Variants in ATF7IP2 observed in about 807,000 individuals in gnomAD.
ATF7IP2 encodes the protein activating transcription factor 7-interacting protein 2.
Under a neutral mutation model 64.2 loss-of-function variants are expected in ATF7IP2, and 42 were observed. The observed-to-expected ratio is 0.65, with a 90% CI of 0.51 to 0.85. ATF7IP2 has a LOEUF of 0.85. Among genes scored for constraint, ATF7IP2 ranks in the 40% least tolerant of loss-of-function variants. The probability of loss-of-function intolerance (pLI) is 0.00; values close to 1 mark genes in which losing one functional copy is unlikely to be tolerated. For synonymous variants in ATF7IP2, 308 were observed against 272.8 expected (o/e 1.13, Z -1.27); for missense variants, 933 against 784.2 (o/e 1.19, Z -2.27).
intron 6 of ATF7IP2, among the ~76,000 whole-genome samples, chr16:10,434,609 T>C (rs1197132015): frequency 5.9e-5 from 9 of 152,192 alleles, no homozygotes; most frequent in Non-Finnish European, 1.2e-4. Flanking sequence ...GTCTCCCTTT[T>C]GGTTTTCTTC....
Position 10,466,501 on chromosome 16 carries a change from G to T in ATF7IP2, c.1353-5609G>T, listed in dbSNP as rs536387070. Among the ~76,000 whole-genome samples, 4 of 152,198 alleles carry T rather than the reference G, an allele frequency of 2.6e-5. No homozygotes were observed. The East Asian group carries it at 7.7e-4, about 29-fold the overall frequency. ...TTATACTCCCACTATAAGTACATGAGATTTTTATTACTGCGTATCCTTGCC... is the reference window on the plus strand; with the variant it reads ...TTATACTCCCACTATAAGTACATGATATTTTTATTACTGCGTATCCTTGCC... On this transcript the variant is annotated intron_variant, in intron 9 of 13. Coordinates refer to ENST00000562102, the MANE Select transcript of ATF7IP2 (RefSeq NM_001393719.1).
chr16:10,429,643 C>G (rs928956266), intron 4 of ATF7IP2, among the ~76,000 whole-genome samples: 1 of 151,896 alleles, frequency 6.6e-6, no homozygotes. Context: ...GCCACCCTAC[C>G]AGGTTAGTTG....
chr16:10,433,769 G>C (rs896644175), intron 6 of ATF7IP2, 120 bp downstream of exon 6: 1 of 1,074,774 alleles, frequency 9.3e-7, no homozygotes. Context: ...CAGAGCTGGT[G>C]TGTGAAAGCC....
At chr16:10,480,835 T>A (rs773286987) in intron 12 of ATF7IP2, 44 bp from the exon 13 acceptor site, 3 of 1,272,052 alleles carry the variant, frequency 2.4e-6, no homozygotes, top group Admixed American at 1.7e-5. Context: ...TGGAATTGAT[T>A]ATTGCAGATA....
At chr16:10,419,905 C>A (rs1389288323) in intron 3 of ATF7IP2, among the ~76,000 whole-genome samples, 1 of 152,208 alleles carries the variant, frequency 6.6e-6, no homozygotes, top group African/African-American at 2.4e-5. Flanking sequence ...CTGCTTCTGC[C>A]TTTGCAGCTG....
chr16:10,475,968 A>G (rs2049994983), intron 12 of ATF7IP2, among the ~76,000 whole-genome samples: 2 of 152,228 alleles, frequency 1.3e-5, no homozygotes, highest in Non-Finnish European at 2.9e-5. Flanking sequence ...TCTTATTATC[A>G]TAAAGTTCAG....
intron 1 of ATF7IP2, among the ~76,000 whole-genome samples, chr16:10,404,746 G>C (rs2047601958): frequency 1.3e-5 from 2 of 151,946 alleles, no homozygotes; most frequent in South Asian, 4.2e-4. Context: ...CCCCATGTTG[G>C]CCAGGCTCCT....
intron 3 of ATF7IP2, among the ~76,000 whole-genome samples, chr16:10,422,088 G>A (rs573942110): frequency 3.8e-4 from 58 of 152,250 alleles, no homozygotes; most frequent in East Asian, 1.9e-4. Flanking sequence ...TCTTAATTAC[G>A]AAAACTGGAG....
At chr16:10,457,833 C>A (rs1396647226) in intron 9 of ATF7IP2, among the ~76,000 whole-genome samples, 1 of 152,072 alleles carries the variant, frequency 6.6e-6, no homozygotes, top group East Asian at 1.9e-4. Flanking sequence ...CCTCAGCCTC[C>A]CAAGTAACTG....
chr16:10,394,849 A>G (rs369856069), intron 1 of ATF7IP2, among the ~76,000 whole-genome samples: 1 of 152,198 alleles, frequency 6.6e-6, no homozygotes, highest in East Asian at 1.9e-4. Context: ...GGGTACAATT[A>G]CAGCAATTCT....
intron 1 of ATF7IP2, chr16:10,387,044 A>G (rs1469386835): frequency 6.6e-6 from 1 of 152,218 alleles, no homozygotes; most frequent in East Asian, 1.9e-4. Flanking sequence ...GTTGTACTGA[A>G]TAGTCCACAT....
At chr16:10,399,504 C>T (rs1376383379) in intron 1 of ATF7IP2, among the ~76,000 whole-genome samples, 2 of 152,150 alleles carry the variant, frequency 1.3e-5, no homozygotes, top group Admixed American at 6.6e-5. Context: ...GCTGTAGATA[C>T]GTGGCTTTAT....
intron 9 of ATF7IP2, among the ~76,000 whole-genome samples, chr16:10,463,955 A>G (rs12932308): frequency 0.19 from 29,313 of 151,980 alleles, 3,110 homozygotes; most frequent in African/African-American, 0.28. Context: ...TTGGCTCCTC[A>G]ATACCAGCCC....
At chr16:10,435,395 A>G (rs982141494) in intron 6 of ATF7IP2, among the ~76,000 whole-genome samples, 2 of 152,218 alleles carry the variant, frequency 1.3e-5, no homozygotes, top group Admixed American at 6.5e-5. Context: ...GATTGGAGAT[A>G]AGTTTGTACT....
At position 10,430,848 on chromosome 16, in the gene ATF7IP2, A is replaced by C. The variant is rs768132197; in HGVS notation, c.228A>C (p.Ser76=). The change falls in exon 5 of 14, where the codon TCA becomes TCC. Residue 76 remains serine, a synonymous_variant. Transcript: ENST00000562102. The part of the protein sequence containing the change: ...KCSPSENGAS[S]LDSNKNSISE... ...GCCCTTCTGAAAATGGTGCATCCTC[A>C]TTGGACTCTAATAAAAATTCAATAT... 2.5e-6 allele frequency: 4 copies of C among 1,613,942 alleles called. 1 individual carries two copies. The Middle Eastern group carries it at 4.9e-4, about 200-fold the overall frequency.
In ATF7IP2 at chr16:10,481,953, C is replaced by T. The variant is rs188912843; in HGVS notation, c.1753C>T (p.Arg585Trp). The change falls in exon 14 of 14, where the codon CGG becomes TGG. Residue 585 changes from arginine to tryptophan, a missense_variant. Arg to Trp is a moderately radical substitution (Grantham distance 101). Coordinates refer to ENST00000562102, the MANE Select transcript of ATF7IP2 (RefSeq NM_001393719.1). Reference protein sequence around the residue: ...PPQKPELKVKRVFRPNGIALT... With the variant: ...PPQKPELKVKWVFRPNGIALT... ...CCAGAAGCCTGAGCTCAAAGTGAAA[C>T]GGGTTTTCAGACCCAATGGCATTGC... The T allele has an allele frequency of 5.4e-5, 87 of 1,614,104 alleles. 1 individual carries two copies. In the Middle Eastern group the frequency reaches 6.6e-4, roughly 12 times the overall value.
intron 8 of ATF7IP2, among the ~76,000 whole-genome samples, chr16:10,442,311 A>C (rs1208593047): frequency 6.6e-6 from 1 of 152,198 alleles, no homozygotes; most frequent in African/African-American, 2.4e-5. Flanking sequence ...TATACACTTT[A>C]TTCTTCAAAC....
At chr16:10,453,314 C>T (rs13338125) in intron 8 of ATF7IP2, among the ~76,000 whole-genome samples, 2 of 152,148 alleles carry the variant, frequency 1.3e-5, no homozygotes, top group African/African-American at 4.8e-5. Context: ...CGGCATAGTC[C>T]ATCATGGCTT....
rs550332010 is a variant in ATF7IP2, at chr16:10,406,043, C to G, written c.-241-8531C>G. Among the ~76,000 whole-genome samples, 4 of 151,768 alleles carry G rather than the reference C, an allele frequency of 2.6e-5. No individual in the cohort carries two copies. In the South Asian group the frequency reaches 8.3e-4, roughly 32 times the overall value. ...GGTGGAGGTTGCAGTGAGCTGAGAT[C>G]GTGCCACTGCACTCCAGCCTGGGCG... On this transcript the variant is annotated intron_variant, in intron 1 of 13. Coordinates refer to ENST00000562102, the MANE Select transcript of ATF7IP2 (RefSeq NM_001393719.1).
Sources: allele counts gnomAD v4.1 joint callset (sites outside exome capture counted in the v4.1 genomes callset), GRCh38; gene constraint gnomAD v4.1.1; transcripts MANE v1.5; gene names NCBI Gene and HGNC (gene_info 2026-07-23, HGNC 2026-07-21).